The following MATN2 variants were observed in gnomAD, a reference collection of about 807,000 sequenced individuals.
The protein encoded by MATN2 is matrilin 2.
Under a neutral mutation model 103.2 loss-of-function variants are expected in MATN2, and 69 were observed. That is an observed-to-expected ratio of 0.67 (90% confidence interval 0.55 to 0.82). MATN2 has a LOEUF of 0.82. MATN2 is among the 40% of genes least tolerant of loss of function. The pLI is 0.00. For missense variants in MATN2, 1,023 were observed against 1,211.5 expected (o/e 0.84, Z 2.31); for synonymous variants, 429 against 450.2 (o/e 0.95, Z 0.60).
chr8:97,950,457 G>A (rs2130218924), intron 4 of MATN2, among the ~76,000 whole-genome samples: 1 of 41,384 alleles, frequency 2.4e-5, no homozygotes, highest in South Asian at 9.9e-4. Flanking sequence ...AGTGGGGCAG[G>A]GATGCCTTCA....
At chr8:97,968,282 C>A (rs967454433) in intron 5 of MATN2, among the ~76,000 whole-genome samples, 1 of 152,210 alleles carries the variant, frequency 6.6e-6, no homozygotes, top group Non-Finnish European at 1.5e-5. Context: ...GCCTTTGAGG[C>A]CTTTTTCCCA....
At chr8:97,918,723 A>C (rs1809715543) in intron 2 of MATN2, among the ~76,000 whole-genome samples, 1 of 152,178 alleles carries the variant, frequency 6.6e-6, no homozygotes, top group African/African-American at 2.4e-5. Context: ...TCAATGTGTT[A>C]TCTGGTGATG....
At chr8:98,035,348 ACT>A (rs1814199331) in intron 18 of MATN2, among the ~76,000 whole-genome samples, 1 of 152,004 alleles carries the variant, frequency 6.6e-6, no homozygotes, top group African/African-American at 2.4e-5. Context: ...CAAGAGCGAA[ACT>A]CTGTCTCAAA....
intron 1 of MATN2, among the ~76,000 whole-genome samples, chr8:97,887,045 C>T (rs1431235085): frequency 6.6e-6 from 1 of 151,968 alleles, no homozygotes; most frequent in Non-Finnish European, 1.5e-5. Flanking sequence ...GCACGAGCCA[C>T]CACACCTGGC....
intron 6 of MATN2, among the ~76,000 whole-genome samples, chr8:97,984,700 A>G (rs955275594): frequency 1.3e-5 from 2 of 152,228 alleles, no homozygotes; most frequent in African/African-American, 4.8e-5. Context: ...CACTCCAGTA[A>G]GAGTAATACC....
At chr8:97,938,254 C>G (rs1810443824) in intron 3 of MATN2, among the ~76,000 whole-genome samples, 2 of 152,038 alleles carry the variant, frequency 1.3e-5, no homozygotes, top group African/African-American at 4.8e-5. Flanking sequence ...CTCCAGCAGT[C>G]CAGGAAAAGA....
chr8:98,020,902 T>C (rs1813566904), intron 12 of MATN2: 1 of 253,634 alleles, frequency 3.9e-6, no homozygotes, highest in Non-Finnish European at 7.7e-6. Context: ...CAATCTGAAC[T>C]GGAGTGTTTG....
chr8:97,970,672 ATG>A (rs1406607155), intron 5 of MATN2, among the ~76,000 whole-genome samples: 1 of 152,112 alleles, frequency 6.6e-6, no homozygotes, highest in Non-Finnish European at 1.5e-5. Flanking sequence ...TTTAGGCTGG[ATG>A]TGGTGGCTTA....
At chr8:97,872,461 C>T (rs963978840) in intron 1 of MATN2, among the ~76,000 whole-genome samples, 1 of 152,214 alleles carries the variant, frequency 6.6e-6, no homozygotes, top group Non-Finnish European at 1.5e-5. Context: ...ATTTCACAAA[C>T]ATAGTGGCTT....
At chr8:97,962,859 G>C (rs1007128536) in intron 5 of MATN2, among the ~76,000 whole-genome samples, 1 of 152,130 alleles carries the variant, frequency 6.6e-6, no homozygotes. Flanking sequence ...TGTTGGACAG[G>C]TGCGATGGCT....
At chr8:98,031,422 G>A (rs557589407) in intron 15 of MATN2, 46 of 152,096 alleles carry the variant, frequency 3.0e-4, no homozygotes, top group African/African-American at 1.1e-3. Flanking sequence ...CCCTTGCTCT[G>A]TGCCAAGCAG....
At chr8:97,897,959 CCT>C (rs527958910) in intron 2 of MATN2, among the ~76,000 whole-genome samples, 108 of 151,792 alleles carry the variant, frequency 7.1e-4, no homozygotes, top group Admixed American at 9.2e-4. Context: ...TCCTACAGAT[CCT>C]CTCTCTCCCC....
At chr8:97,923,665 T>C (rs892040499) in intron 2 of MATN2, among the ~76,000 whole-genome samples, 6 of 152,082 alleles carry the variant, frequency 3.9e-5, no homozygotes, top group African/African-American at 1.2e-4. Context: ...CAAGCGATTC[T>C]CCTGCCTCAG....
At chr8:97,883,554 A>AC (rs1818323148) in intron 1 of MATN2, among the ~76,000 whole-genome samples, 1 of 133,184 alleles carries the variant, frequency 7.5e-6, no homozygotes, top group Non-Finnish European at 1.6e-5. Flanking sequence ...TTCCCAGCTA[A>AC]TTTTTTTTTT....
chr8:97,892,235 CAA>C (rs568746138), intron 2 of MATN2, among the ~76,000 whole-genome samples: 2 of 107,636 alleles, frequency 1.9e-5, no homozygotes. Context: ...GAAACTGTCT[CAA>C]AAAAAAAAAA....
rs1472001171 is a variant in MATN2, at chr8:98,003,770, C to T, written c.1314C>T (p.Gly438=). ...CHRGYTLDPN[G]KTCSRVDHCA... The stretch of plus-strand genomic sequence containing the variant: ...GTGGCTACACTCTGGACCCCAATGG[C>T]AAAACCTGCAGCCGTGAGTGTACCC... Residue 438 remains glycine (G), a synonymous_variant, in exon 8 of 19, where the codon GGC becomes GGT. Coordinates refer to ENST00000254898, the MANE Select transcript of MATN2 (RefSeq NM_002380.5). 4 of 1,612,750 alleles carry T rather than the reference C, an allele frequency of 2.5e-6. No individual in the cohort carries two copies. The African/African-American group carries it at 4.0e-5, about 16-fold the overall frequency.
Position 98,007,057 on chromosome 8 carries a change from G to A in MATN2, c.1328-48G>A, listed in dbSNP as rs191993529. The stretch of plus-strand genomic sequence containing the variant: ...TTTTTGAATCTTGGTTGCTGGTGGG[G>A]TATTGCCCCCTCGGCTCCTCTATGC... On this transcript the variant is annotated intron_variant, in intron 8 of 18. Coordinates refer to ENST00000254898, the MANE Select transcript of MATN2 (RefSeq NM_002380.5). The surrounding 1 kb of genome is among the most constrained non-coding windows in gnomAD (Gnocchi z 4.2). 1.3e-6 allele frequency: 2 copies of A among 1,552,772 alleles called. No homozygotes were observed. The highest frequency in any genetic ancestry group is 1.4e-5 in the African/African-American group (1 of 73,352).
chr8:97,891,607 G>A (rs531274838), intron 2 of MATN2, among the ~76,000 whole-genome samples: 34 of 152,152 alleles, frequency 2.2e-4, no homozygotes, highest in African/African-American at 7.2e-4. Context: ...CAAAGTGCTG[G>A]GATTCTAGGC....
At chr8:97,940,529 C>T (rs1020995507) in intron 3 of MATN2, among the ~76,000 whole-genome samples, 1 of 92,814 alleles carries the variant, frequency 1.1e-5, no homozygotes, top group Non-Finnish European at 2.1e-5. Flanking sequence ...TTATTGCCCA[C>T]CATATTTCTT....
Sources: gnomAD v4.1 joint callset for allele counts (sites outside exome capture counted in the v4.1 genomes callset) on GRCh38, gnomAD v4.1.1 for gene constraint, Gnocchi (gnomAD v3.1) non-coding constraint, MANE v1.5 for transcripts, NCBI Gene and HGNC (gene_info 2026-07-23, HGNC 2026-07-21) for gene names.